FUT8: variants seen among roughly 807,000 people sequenced by gnomAD.
The protein encoded by FUT8 is fucosyltransferase 8.
FUT8 carries 29 observed loss-of-function variants against 71.3 expected under a neutral mutation model. That is an observed-to-expected ratio of 0.41 (90% CI 0.30 to 0.55). The LOEUF (loss-of-function observed/expected upper bound fraction) is 0.55. FUT8 is among the 20% of genes least tolerant of loss of function. The probability of loss-of-function intolerance (pLI) is 0.34; values close to 1 mark genes in which losing one functional copy is unlikely to be tolerated. For synonymous variants in FUT8, 254 were observed against 239.3 expected, an observed-to-expected ratio of 1.06 and a Z score of -0.57; for missense variants, 544 against 702.1, an observed-to-expected ratio of 0.77 and a Z score of 2.55.
At chr14:65,541,766 A>C (rs376795186) in intron 2 of FUT8, among the ~76,000 whole-genome samples, 6 of 152,330 alleles carry the variant, frequency 3.9e-5, no homozygotes. Context: ...TCACGTTGAC[A>C]TAAAAAATTA....
At chr14:65,730,979 T>C (rs894336646) in intron 9 of FUT8, among the ~76,000 whole-genome samples, 1 of 152,232 alleles carries the variant, frequency 6.6e-6, no homozygotes, top group African/African-American at 2.4e-5. Context: ...TTTCTAAAAG[T>C]AGGTACATTG....
At chr14:65,392,729 A>C in the FUT8 span, among the ~76,000 whole-genome samples, 10 of 152,210 alleles carry the variant, frequency 6.6e-5, no homozygotes, top group Non-Finnish European at 8.8e-5. Context: ...TTAAAATGGC[A>C]GTGTTTTTGG....
chr14:65,411,800 C>T (rs2065127808), upstream of FUT8: 2 of 334,338 alleles, frequency 6.0e-6, no homozygotes, highest in Non-Finnish European at 1.2e-5. Context: ...CTCTGATTGG[C>T]CGGCTCGCAC....
chr14:65,525,657 G>GTGTCGATGTTAGGT (rs1164122111), intron 2 of FUT8, among the ~76,000 whole-genome samples: 3 of 152,140 alleles, frequency 2.0e-5, no homozygotes, highest in Admixed American at 1.3e-4. Flanking sequence ...TGATGTTAGG[G>GTGTCGATGTTAGGT]TGTCAATGTT....
intron 7 of FUT8, among the ~76,000 whole-genome samples, chr14:65,713,443 T>C (rs1036458134): frequency 1.3e-5 from 2 of 152,190 alleles, no homozygotes; most frequent in African/African-American, 2.4e-5. Flanking sequence ...GATCATATGG[T>C]AGCTCAATTT....
At chr14:65,636,105 A>G (rs1164245406) in intron 6 of FUT8, among the ~76,000 whole-genome samples, 1 of 152,008 alleles carries the variant, frequency 6.6e-6, no homozygotes, top group Non-Finnish European at 1.5e-5. Flanking sequence ...CATCTCCTCT[A>G]GGTTTTCTAG....
At chr14:65,367,100 T>A in the FUT8 span, among the ~76,000 whole-genome samples, 1 of 152,026 alleles carries the variant, frequency 6.6e-6, no homozygotes, top group East Asian at 1.9e-4. Context: ...GCCAGAGGGG[T>A]TGGTGGTGGG....
At chr14:65,484,912 C>T (rs185716091) in intron 2 of FUT8, among the ~76,000 whole-genome samples, 3 of 151,946 alleles carry the variant, frequency 2.0e-5, no homozygotes, top group Admixed American at 6.5e-5. Context: ...TTTTCTTCTA[C>T]GGTGTCTAAT....
At chr14:65,552,531 CT>C (rs1277849384) in intron 2 of FUT8, among the ~76,000 whole-genome samples, 19 of 152,238 alleles carry the variant, frequency 1.2e-4, no homozygotes, top group African/African-American at 4.1e-4. Context: ...ACATGAATGA[CT>C]GCACTAAATG....
chr14:65,386,281 C>G, the FUT8 span, among the ~76,000 whole-genome samples: 2 of 151,708 alleles, frequency 1.3e-5, no homozygotes, highest in Non-Finnish European at 2.9e-5. Context: ...CACTCCAGCC[C>G]AGGTGGATGG....
chr14:65,673,066 T>C (rs1892546839), intron 7 of FUT8, among the ~76,000 whole-genome samples: 1 of 152,256 alleles, frequency 6.6e-6, no homozygotes, highest in Non-Finnish European at 1.5e-5. Flanking sequence ...ATTGGAAAAT[T>C]TTATTTGTAA....
At chr14:65,553,801 C>G (rs765908913) in intron 2 of FUT8, among the ~76,000 whole-genome samples, 1 of 149,094 alleles carries the variant, frequency 6.7e-6, no homozygotes, top group Non-Finnish European at 1.5e-5. Flanking sequence ...ATTTTTTTTT[C>G]TCTGTATGTA....
In FUT8 at chr14:65,604,186, C is replaced by T. The variant is rs140930496; in HGVS notation, c.204-11792C>T. Among the ~76,000 whole-genome samples, 364 of 151,868 alleles carry T rather than the reference C, an allele frequency of 2.4e-3. 10 individuals carry two copies. Among genetic ancestry groups the T allele is most frequent in the Non-Finnish European group, 3.9e-3 (267 of 67,882 alleles). On this transcript the variant is annotated intron_variant, in intron 3 of 10. Transcript: ENST00000673929. Reference sequence around the variant, plus strand: ...TAATAACTCCACTGACAGCACTAGACAGGTCATCAAGACAGAAAGTCAACA... The same window carrying T: ...TAATAACTCCACTGACAGCACTAGATAGGTCATCAAGACAGAAAGTCAACA...
At chr14:65,366,067 G>A in the FUT8 span, among the ~76,000 whole-genome samples, 1 of 151,994 alleles carries the variant, frequency 6.6e-6, no homozygotes, top group Admixed American at 6.6e-5. Context: ...ATTCTTTCTT[G>A]CACAAGATCC....
At chr14:65,635,969 A>C (rs1007029527) in intron 6 of FUT8, among the ~76,000 whole-genome samples, 2 of 148,886 alleles carry the variant, frequency 1.3e-5, no homozygotes, top group African/African-American at 2.5e-5. Context: ...TTGGTCCTGG[A>C]CTTTTTTTTT....
chr14:65,440,716 CT>C (rs1014226316), intron 1 of FUT8, among the ~76,000 whole-genome samples: 1 of 150,942 alleles, frequency 6.6e-6, no homozygotes. Context: ...CACCTAAGGT[CT>C]TTTTTTTTAA....
intron 5 of FUT8, among the ~76,000 whole-genome samples, chr14:65,628,469 C>A (rs1223611563): frequency 4.6e-5 from 7 of 152,066 alleles, no homozygotes; most frequent in Non-Finnish European, 7.4e-5. Flanking sequence ...TTGTTGTAAT[C>A]CAGGTGAGAG....
chr14:65,570,851 C>G (rs1249274725), intron 3 of FUT8, among the ~76,000 whole-genome samples: 1 of 152,124 alleles, frequency 6.6e-6, no homozygotes, highest in African/African-American at 2.4e-5. Flanking sequence ...GAAAACCTGA[C>G]TTAGGAGTAT....
chr14:65,692,117 T>C lies in FUT8; in HGVS notation c.835+22637T>C, dbSNP rs866300463. Among the ~76,000 whole-genome samples, 170 of 151,870 alleles carry C rather than the reference T, an allele frequency of 1.1e-3. 5 individuals carry two copies. Among genetic ancestry groups the C allele is most frequent in the Non-Finnish European group, 9.7e-4 (66 of 67,956 alleles). On this transcript the variant is annotated intron_variant, in intron 7 of 10. Transcript: ENST00000673929. ...GGCCCGTTCTCAATGAGCTGTTGGG[T>C]ACACCTCCCAGACCGGGTGGTGGCC...
Sources: allele counts gnomAD v4.1 joint callset (sites outside exome capture counted in the v4.1 genomes callset), GRCh38; gene constraint gnomAD v4.1.1; transcripts MANE v1.5; gene names NCBI Gene and HGNC (gene_info 2026-07-23, HGNC 2026-07-21).